The following PIK3C2G variants were observed in gnomAD, a reference collection of about 807,000 sequenced individuals.
The protein encoded by PIK3C2G is phosphatidylinositol 3-kinase C2 domain-containing subunit gamma.
Under a neutral mutation model 181.1 loss-of-function variants are expected in PIK3C2G, and 168 were observed. The ratio of observed to expected loss-of-function variants is 0.93; its 90% confidence interval spans 0.82 to 1.05. The LOEUF (loss-of-function observed/expected upper bound fraction) is 1.05. PIK3C2G is among the 50% of genes least tolerant of loss of function. PIK3C2G has a pLI of 0.00. For synonymous variants in PIK3C2G, 573 were observed against 592.2 expected, an observed-to-expected ratio of 0.97 and a Z score of 0.47; for missense variants, 1,869 against 1,732.8, an observed-to-expected ratio of 1.08 and a Z score of -1.40.
intron 1 of PIK3C2G, among the ~76,000 whole-genome samples, chr12:18,267,041 T>C (rs1250253847): frequency 6.6e-6 from 1 of 152,108 alleles, no homozygotes; most frequent in African/African-American, 2.4e-5. Context: ...TTTTTAGGAT[T>C]TCCATAATAC....
At chr12:18,663,746 T>C in the PIK3C2G span, among the ~76,000 whole-genome samples, 4 of 151,818 alleles carry the variant, frequency 2.6e-5, no homozygotes, top group South Asian at 4.2e-4. Context: ...AAGAAAGAAA[T>C]TGAACTTCAT....
the PIK3C2G span, among the ~76,000 whole-genome samples, chr12:18,715,260 T>A: frequency 7.3e-6 from 1 of 136,896 alleles, no homozygotes; most frequent in Non-Finnish European, 1.5e-5. Context: ...AGATAAAAGT[T>A]GGAAGAACCC....
intron 12 of PIK3C2G, among the ~76,000 whole-genome samples, chr12:18,369,070 G>A (rs951185456): frequency 4.6e-5 from 7 of 152,168 alleles, no homozygotes; most frequent in Non-Finnish European, 1.0e-4. Flanking sequence ...ATCACCTACT[G>A]CTCTAATAAT....
chr12:18,715,586 G>A, the PIK3C2G span: 1 of 152,040 alleles, frequency 6.6e-6, no homozygotes, highest in Non-Finnish European at 1.5e-5. Flanking sequence ...ATTTTTAGTA[G>A]AAACGGGGTT....
At chr12:18,444,059 C>G (rs1360275562) in intron 18 of PIK3C2G, among the ~76,000 whole-genome samples, 1 of 152,132 alleles carries the variant, frequency 6.6e-6, no homozygotes, top group African/African-American at 2.4e-5. Flanking sequence ...TCAGAGAGTG[C>G]CAAGGCACTA....
intron 29 of PIK3C2G, among the ~76,000 whole-genome samples, chr12:18,586,587 T>C (rs537931671): frequency 6.6e-6 from 1 of 151,994 alleles, no homozygotes; most frequent in Admixed American, 6.6e-5. Flanking sequence ...AATAACCTAG[T>C]AACCAAAAAA....
chr12:18,451,322 T>C (rs1288592467), intron 18 of PIK3C2G, among the ~76,000 whole-genome samples: 2 of 152,198 alleles, frequency 1.3e-5, no homozygotes, highest in African/African-American at 2.4e-5. Flanking sequence ...CTAGGTATTT[T>C]ATTTTCTTTG....
At chr12:18,696,322 C>CTATAGATATATATATATATATA in the PIK3C2G span, 1 of 253,072 alleles carries the variant, frequency 4.0e-6, no homozygotes, top group Admixed American at 5.4e-5. Context: ...TAAAAAGCCA[C>CTATAGATATATATATATATATA]TATATATATA....
intron 30 of PIK3C2G, among the ~76,000 whole-genome samples, chr12:18,603,133 G>A (rs1947823102): frequency 6.6e-6 from 1 of 152,092 alleles, no homozygotes; most frequent in South Asian, 2.1e-4. Context: ...TATGTTACAA[G>A]AAGTGAAGGG....
intron 29 of PIK3C2G, among the ~76,000 whole-genome samples, chr12:18,586,432 A>T (rs558521078): frequency 6.6e-6 from 1 of 152,296 alleles, no homozygotes; most frequent in South Asian, 2.1e-4. Flanking sequence ...ACCATCAGAG[A>T]CTTACTTATG....
At position 18,316,580 on chromosome 12, in the gene PIK3C2G, G is replaced by A. The variant is rs76395995; in HGVS notation, c.1137+2516G>A. On this transcript the variant is annotated intron_variant, in intron 6 of 32. Coordinates refer to ENST00000538779, the MANE Select transcript of PIK3C2G (RefSeq NM_001288772.2). Reference sequence around the variant, plus strand: ...TAATTCAGCAACTCATAGGCAAAGAGTATAAATGCCTTTTCTCATCCACAA... The same window carrying A: ...TAATTCAGCAACTCATAGGCAAAGAATATAAATGCCTTTTCTCATCCACAA... Among the ~76,000 whole-genome samples the A allele has an allele frequency of 1.2e-3, 185 of 152,200 alleles. 3 individuals carry two copies. In the East Asian group the frequency reaches 0.034, roughly 28 times the overall value.
chr12:18,412,633 G>A (rs1944927634), intron 16 of PIK3C2G, among the ~76,000 whole-genome samples: 1 of 152,118 alleles, frequency 6.6e-6, no homozygotes, highest in Non-Finnish European at 1.5e-5. Context: ...GTTTATTAAT[G>A]TGATTGCAAA....
chr12:18,639,009 TCA>T (rs1327848194), intron 31 of PIK3C2G, among the ~76,000 whole-genome samples: 2 of 151,402 alleles, frequency 1.3e-5, no homozygotes, highest in Non-Finnish European at 2.9e-5. Context: ...TCTTTCTGTG[TCA>T]CTGAAGATTT....
At chr12:18,289,001 A>G (rs1433732371) in intron 3 of PIK3C2G, among the ~76,000 whole-genome samples, 15 of 152,190 alleles carry the variant, frequency 9.9e-5, no homozygotes, top group Admixed American at 9.8e-4. Context: ...AGTAGTGAAA[A>G]GAAGCCATAA....
the PIK3C2G span, among the ~76,000 whole-genome samples, chr12:18,718,639 CT>C: frequency 6.6e-6 from 1 of 152,108 alleles, no homozygotes; most frequent in Non-Finnish European, 1.5e-5. Flanking sequence ...ACAACTATTT[CT>C]TTTTACCTCT....
chr12:18,450,389 G>A lies in PIK3C2G; in HGVS notation c.2504+26350G>A, dbSNP rs144982204. Reference sequence around the variant, plus strand: ...GATCCACCCGCCTCAGCCTCCCAAAGGGCTGGGATCACAGGTGTGAGCCAC... The same window carrying A: ...GATCCACCCGCCTCAGCCTCCCAAAAGGCTGGGATCACAGGTGTGAGCCAC... On this transcript the variant is annotated intron_variant, in intron 18 of 32. Coordinates refer to ENST00000538779, the MANE Select transcript of PIK3C2G (RefSeq NM_001288772.2). 7.9e-3 allele frequency among the ~76,000 whole-genome samples: 1,207 copies of A among 152,284 alleles called. 16 individuals carry two copies. Among genetic ancestry groups the A allele is most frequent in the African/African-American group, 0.028 (1,149 of 41,564 alleles).
At position 18,290,997 on chromosome 12, in the gene PIK3C2G, C is replaced by A; in HGVS notation, c.904C>A (p.His302Asn). The A allele has an allele frequency of 6.2e-7, 1 of 1,600,186 alleles. No individual in the cohort carries two copies. The highest frequency in any genetic ancestry group is 8.6e-7 in the Non-Finnish European group (1 of 1,168,900). Residue 302 changes from histidine (H) to asparagine (N), a missense_variant, in exon 4 of 33, where the codon CAT (histidine) becomes AAT (asparagine). By Grantham distance (68) the His-to-Asn change is moderately conservative (BLOSUM62 1). Coordinates refer to ENST00000538779, the MANE Select transcript of PIK3C2G (RefSeq NM_001288772.2). ...TATTGATAACTCAACACAACCTCTT[C>A]ATTTTATGCCATGTGGTAAGCAACC... ...IFIDNSTQPL[H>N]FMPCANYLVK...
At chr12:18,375,661 G>C (rs1226594526) in intron 13 of PIK3C2G, among the ~76,000 whole-genome samples, 2 of 152,198 alleles carry the variant, frequency 1.3e-5, no homozygotes, top group African/African-American at 4.8e-5. Flanking sequence ...GGTGCTAATA[G>C]CCAAGAAAAT....
chr12:18,437,846 C>T (rs951204405), intron 18 of PIK3C2G, among the ~76,000 whole-genome samples: 4 of 151,828 alleles, frequency 2.6e-5, no homozygotes, highest in African/African-American at 9.7e-5. Context: ...GACTGGTAGA[C>T]GTCAGTGAAC....
Sources: gnomAD v4.1 joint callset for allele counts (sites outside exome capture counted in the v4.1 genomes callset) on GRCh38, gnomAD v4.1.1 for gene constraint, MANE v1.5 for transcripts, NCBI Gene and HGNC (gene_info 2026-07-23, HGNC 2026-07-21) for gene names.